Variants in DPPA2 observed in about 807,000 individuals in gnomAD.
DPPA2 encodes the protein developmental pluripotency-associated protein 2.
A neutral mutation model predicts 36.2 loss-of-function variants in DPPA2; 26 were observed. That is an observed-to-expected ratio of 0.72 (90% CI 0.53 to 1.00). The LOEUF (loss-of-function observed/expected upper bound fraction) is 1.00, where lower values mean the gene tolerates loss of function less well. Among genes scored for constraint, DPPA2 ranks in the 50% least tolerant of loss-of-function variants. The pLI, the probability that DPPA2 is intolerant of heterozygous loss-of-function variation, is 0.00. For synonymous variants in DPPA2, 113 were observed against 123.2 expected, an observed-to-expected ratio of 0.92 and a Z score of 0.55; for missense variants, 361 against 365.1, an observed-to-expected ratio of 0.99 and a Z score of 0.09.
At chr3:109,296,732 G>A (rs190516399) in intron 8 of DPPA2, among the ~76,000 whole-genome samples, 1 of 151,078 alleles carries the variant, frequency 6.6e-6, no homozygotes, top group Non-Finnish European at 1.5e-5. Flanking sequence ...ATCTGCAAAA[G>A]ATATATCTGA....
Position 109,309,098 on chromosome 3 carries a change from A to C in DPPA2, c.343-19T>G. ...CGATTTTCTTAGGAAATGAAGAGAG[A>C]GATTAAGTTAAAAGTTGACAAAGAC... On this transcript the variant is annotated intron_variant, in intron 4 of 8. Transcript: ENST00000478945. 6.2e-7 allele frequency: 1 copy of C among 1,614,138 alleles called. No individual in the cohort carries two copies. The highest frequency in any genetic ancestry group is 1.1e-5 in the South Asian group (1 of 91,084).
intron 8 of DPPA2, among the ~76,000 whole-genome samples, chr3:109,298,558 T>C (rs1707396084): frequency 6.6e-6 from 1 of 150,962 alleles, no homozygotes; most frequent in South Asian, 2.1e-4. Flanking sequence ...ACTAAAAAAA[T>C]ACAAAAAATT....
At chr3:109,304,330 C>T (rs1311560566) in intron 7 of DPPA2, 145 bp downstream of exon 7, 30 of 767,438 alleles carry the variant, frequency 3.9e-5, no homozygotes, top group Non-Finnish European at 1.6e-5. Context: ...GTGAGTTCTT[C>T]TTGCATCCTA....
chr3:109,313,372 T>A (rs1228111162), intron 2 of DPPA2, among the ~76,000 whole-genome samples: 1 of 152,190 alleles, frequency 6.6e-6, no homozygotes, highest in Admixed American at 6.5e-5. Flanking sequence ...TGTATCTGTT[T>A]TACTCTCTGT....
chr3:109,309,271 G>C lies in DPPA2; in HGVS notation c.241C>G (p.Pro81Ala). Reference sequence around the variant, plus strand: ...AAAATGGTCGGCAAGGGAAGGGCTGGTATTTTGCATCTAGCTTTTTGTGGA... The same window carrying C: ...AAAATGGTCGGCAAGGGAAGGGCTGCTATTTTGCATCTAGCTTTTTGTGGA... ...TAPQKARCKIPALPLPTILPP... is the reference protein window; with the variant it reads ...TAPQKARCKIAALPLPTILPP... Residue 81 changes from proline to alanine, a missense_variant, in exon 4 of 9, where the codon CCA becomes GCA. Physicochemically the swap from Pro to Ala is conservative, Grantham distance 27. Coordinates refer to ENST00000478945, the MANE Select transcript of DPPA2 (RefSeq NM_138815.4). 1 of 1,614,096 alleles carries C rather than the reference G, an allele frequency of 6.2e-7. No individual in the cohort carries two copies. Among genetic ancestry groups the C allele is most frequent in the Non-Finnish European group, 8.5e-7 (1 of 1,179,996 alleles).
chr3:109,305,108 T>C (rs1402175117), intron 6 of DPPA2, among the ~76,000 whole-genome samples: 3 of 151,864 alleles, frequency 2.0e-5, no homozygotes, highest in African/African-American at 7.3e-5. Context: ...ATCACACCAC[T>C]GCACTCCAGC....
chr3:109,295,663 T>C (rs1707340686), intron 8 of DPPA2, among the ~76,000 whole-genome samples: 1 of 151,466 alleles, frequency 6.6e-6, no homozygotes, highest in Admixed American at 6.6e-5. Flanking sequence ...AAATAGCATA[T>C]ATATATACAG....
In DPPA2 at chr3:109,308,021, G is replaced by A. The variant is rs750750421; in HGVS notation, c.658+11C>T. 5.0e-6 allele frequency: 8 copies of A among 1,612,804 alleles called. No individual in the cohort carries two copies. The highest frequency in any genetic ancestry group is 1.7e-5 in the Admixed American group (1 of 59,956). Reference sequence around the variant, plus strand: ...TCTGGAGTGGGACTCACACTTTAAGGTTGATCTTACCAGAGGCTTGCATCA... The same window carrying A: ...TCTGGAGTGGGACTCACACTTTAAGATTGATCTTACCAGAGGCTTGCATCA... On this transcript the variant is annotated intron_variant, in intron 6 of 8. Transcript: ENST00000478945.
In DPPA2 at chr3:109,304,477, C is replaced by G; in HGVS notation, c.852G>C (p.Lys284Asn). The G allele has an allele frequency of 6.2e-7, 1 of 1,610,446 alleles. No homozygotes were observed. The highest frequency in any genetic ancestry group is 8.5e-7 in the Non-Finnish European group (1 of 1,178,378). The change falls in exon 7 of 9, where the codon AAG (lysine) becomes AAC (asparagine). Residue 284 changes from lysine to asparagine, a missense_variant and splice_region_variant. Transcript: ENST00000478945. ...TTAACAAGATACATAAGGGTTACCT[C>G]TTAGCACAGTCGGGGCATAACATAT... ...EDNMLCPDCA[K>N]RNKKMMKRLM...
chr3:109,315,865 T>C (rs979553252), intron 1 of DPPA2, among the ~76,000 whole-genome samples: 6 of 152,118 alleles, frequency 3.9e-5, no homozygotes, highest in Non-Finnish European at 2.9e-5. Flanking sequence ...CTCATCTCTA[T>C]GAATAAATAA....
intron 7 of DPPA2, among the ~76,000 whole-genome samples, chr3:109,301,291 A>G (rs2107305651): frequency 6.6e-6 from 1 of 151,926 alleles, no homozygotes. Flanking sequence ...CTTCATCTTT[A>G]TACTCTCCAT....
intron 6 of DPPA2, among the ~76,000 whole-genome samples, chr3:109,307,406 AGCCTG>A (rs1707592035): frequency 6.6e-6 from 1 of 151,996 alleles, no homozygotes; most frequent in African/African-American, 2.4e-5. Context: ...GTTCGAGACC[AGCCTG>A]GCCAACATAG....
chr3:109,304,591 A>C lies in DPPA2; in HGVS notation c.738T>G (p.Gly246=). 2 of 1,614,088 alleles carry C rather than the reference A, an allele frequency of 1.2e-6. No individual in the cohort carries two copies. Among genetic ancestry groups the C allele is most frequent in the Non-Finnish European group, 1.7e-6 (2 of 1,180,018 alleles). The change falls in exon 7 of 9, where the codon GGT becomes GGG. Residue 246 remains glycine (G), a synonymous_variant. Transcript: ENST00000478945. ...TGTGAGTGGTAGGCACCCAGGCCTG[A>C]CCTGCATGAAACTGCAGGCGTACCC... ...KGWVRLQFHA[G]QAWVPTTHRR... is the part of the protein sequence containing the mutation.
At position 109,308,268 on chromosome 3, in the gene DPPA2, G is replaced by C. The variant is rs1576822062; in HGVS notation, c.422C>G (p.Thr141Ser). ...TTTCCTCGAACATCGCTGTAATCTG[G>C]TCTCTTGTGACATTTCAGGCATATC... The part of the protein sequence containing the change: ...RQDMPEMSQE[T>S]RLQRCSRKRK... The change falls in exon 6 of 9, where the codon ACC becomes AGC. Residue 141 changes from threonine to serine, a missense_variant. By Grantham distance (58) the Thr-to-Ser change is moderately conservative (BLOSUM62 1). Coordinates refer to ENST00000478945, the MANE Select transcript of DPPA2 (RefSeq NM_138815.4). The C allele has an allele frequency of 6.2e-7, 1 of 1,614,192 alleles. No homozygotes were observed. Among genetic ancestry groups the C allele is most frequent in the East Asian group, 2.2e-5 (1 of 44,880 alleles).
intron 7 of DPPA2, among the ~76,000 whole-genome samples, chr3:109,303,138 A>G (rs967778730): frequency 1.3e-5 from 2 of 152,184 alleles, no homozygotes; most frequent in African/African-American, 4.8e-5. Context: ...CATGTTGGCC[A>G]GGCTGGTCTT....
chr3:109,312,381 CAAGCGAG>C (rs1707726039), intron 3 of DPPA2, among the ~76,000 whole-genome samples, 157 bp downstream of exon 3: 1 of 152,108 alleles, frequency 6.6e-6, no homozygotes, highest in Non-Finnish European at 1.5e-5. Context: ...TTGGGCTTAG[CAAGCGAG>C]AAGTATGAGA....
At chr3:109,305,459 A>G (rs1352664951) in intron 6 of DPPA2, among the ~76,000 whole-genome samples, 1 of 152,034 alleles carries the variant, frequency 6.6e-6, no homozygotes, top group African/African-American at 2.4e-5. Flanking sequence ...GCTATAGGAA[A>G]CAGACAAGCG....
chr3:109,303,874 T>C (rs1047446573), intron 7 of DPPA2, among the ~76,000 whole-genome samples: 10 of 151,988 alleles, frequency 6.6e-5, no homozygotes, highest in African/African-American at 2.4e-4. Context: ...CGGTGGCTCA[T>C]GCCCTTAATA....
chr3:109,310,703 A>G (rs1361571939), intron 3 of DPPA2, among the ~76,000 whole-genome samples: 1 of 149,740 alleles, frequency 6.7e-6, no homozygotes, highest in Non-Finnish European at 1.5e-5. Flanking sequence ...ACGGTGTTTC[A>G]CTATGTTGGC....
Sources: allele counts gnomAD v4.1 joint callset (sites outside exome capture counted in the v4.1 genomes callset), GRCh38; gene constraint gnomAD v4.1.1; transcripts MANE v1.5; gene names NCBI Gene and HGNC (gene_info 2026-07-23, HGNC 2026-07-21).